The following MYL4 variants were observed in gnomAD, a reference collection of about 807,000 sequenced individuals.
The protein encoded by MYL4 is myosin light chain 4.
A neutral mutation model predicts 21.6 loss-of-function variants in MYL4; 16 were observed. The ratio of observed to expected loss-of-function variants is 0.74; its 90% confidence interval spans 0.50 to 1.12. MYL4 has a LOEUF of 1.12. MYL4 is among the 50% of genes most tolerant of loss of function. The probability of loss-of-function intolerance (pLI) is 0.00; values close to 1 mark genes in which losing one functional copy is unlikely to be tolerated. For missense variants in MYL4, 249 were observed against 252.9 expected (o/e 0.98, Z 0.11); for synonymous variants, 82 against 95.7 (o/e 0.86, Z 0.83).
upstream of MYL4, among the ~76,000 whole-genome samples, chr17:47,208,771 G>C (rs551820961): frequency 2.6e-5 from 4 of 152,268 alleles, no homozygotes; most frequent in African/African-American, 9.6e-5. Flanking sequence ...CTAGGGATCT[G>C]AGGTCTGTGG....
At chr17:47,218,371 C>G (rs2064830581) in intron 2 of MYL4, among the ~76,000 whole-genome samples, 1 of 152,104 alleles carries the variant, frequency 6.6e-6, no homozygotes, top group Admixed American at 6.5e-5. Flanking sequence ...TTCATGAATT[C>G]TTTTTTGGCT....
At chr17:47,214,231 T>G (rs2064797771) in intron 2 of MYL4, among the ~76,000 whole-genome samples, 1 of 152,152 alleles carries the variant, frequency 6.6e-6, no homozygotes. Context: ...CAAAAGTTAG[T>G]GCCTTTTTTT....
chr17:47,213,654 C>A, intron 1 of MYL4, 145 bp from the exon 2 acceptor site: 2 of 804,800 alleles, frequency 2.5e-6, no homozygotes, highest in Non-Finnish European at 2.2e-6. Context: ...TTACCCTTAG[C>A]ACAAGTCACC....
chr17:47,208,161 T>G (rs2064741734), upstream of MYL4, among the ~76,000 whole-genome samples: 1 of 152,192 alleles, frequency 6.6e-6, no homozygotes, highest in African/African-American at 2.4e-5. Context: ...ATGCCTATAA[T>G]CCCAGCCCTT....
At chr17:47,191,212 G>A in the MYL4 span, among the ~76,000 whole-genome samples, 2 of 152,218 alleles carry the variant, frequency 1.3e-5, no homozygotes, top group Non-Finnish European at 2.9e-5. Context: ...TTAATGGGAA[G>A]AGTGGCAAAG....
chr17:47,209,287 C>A, upstream of MYL4: 1 of 1,155,320 alleles, frequency 8.7e-7, no homozygotes, highest in Non-Finnish European at 1.3e-6. Context: ...TTGCTTTCAC[C>A]CAGCCCCTCT....
intron 3 of MYL4, among the ~76,000 whole-genome samples, 155 bp from the exon 4 acceptor site, chr17:47,221,527 G>A (rs1353804113): frequency 1.3e-5 from 2 of 152,154 alleles, no homozygotes; most frequent in Non-Finnish European, 2.9e-5. Context: ...GAAGCTCTGT[G>A]TCCTCTAGGA....
At chr17:47,222,182 G>A (rs976409639) in intron 4 of MYL4, among the ~76,000 whole-genome samples, 198 bp from the exon 5 acceptor site, 1 of 152,136 alleles carries the variant, frequency 6.6e-6, no homozygotes, top group Non-Finnish European at 1.5e-5. Context: ...GTAAGGCAGA[G>A]GGGGAGGCTT....
At chr17:47,221,907 G>A (rs2064859355) in intron 4 of MYL4, 52 bp downstream of exon 4, 1 of 1,580,772 alleles carries the variant, frequency 6.3e-7, no homozygotes, top group Admixed American at 1.7e-5. Flanking sequence ...GGAGGGGTGG[G>A]AGGTGCCAAG....
intron 2 of MYL4, among the ~76,000 whole-genome samples, chr17:47,218,364 A>T (rs1426391711): frequency 6.6e-6 from 1 of 152,222 alleles, no homozygotes; most frequent in Non-Finnish European, 1.5e-5. Context: ...TAAGTAGTTC[A>T]TGAATTCTTT....
chr17:47,211,860 G>GGGGAT lies in MYL4; in HGVS notation c.136-1925_136-1921dup, dbSNP rs762096467. On this transcript the variant is annotated intron_variant, in intron 1 of 6. Coordinates refer to ENST00000393450, the MANE Select transcript of MYL4 (RefSeq NM_002476.2). ...GGATTGGAACCACCACCAGTGGAGA[G>GGGGAT]GGGATGGGATGGGATGGGGTGGGGT... 6.4e-4 allele frequency among the ~76,000 whole-genome samples: 98 copies of GGGGAT among 152,238 alleles called. 1 individual carries two copies. The highest frequency in any genetic ancestry group is 2.9e-3 in the South Asian group (14 of 4,804).
Position 47,222,947 on chromosome 17 carries a change from G to A in MYL4, c.566-67G>A, listed in dbSNP as rs998001147. ...GTTAGAAGTCAGGCAGTGTAGAGAA[G>A]GGACAAGTGGTTTATGGGCCTAGAG... On this transcript the variant is annotated intron_variant, in intron 5 of 6. Transcript: ENST00000393450. 18 of 1,591,688 alleles carry A rather than the reference G, an allele frequency of 1.1e-5. No homozygotes were observed. In the South Asian group the frequency reaches 1.9e-4, roughly 17 times the overall value.
chr17:47,209,325 G>A (rs1413423785), upstream of MYL4: 1 of 1,541,350 alleles, frequency 6.5e-7, no homozygotes, highest in African/African-American at 1.4e-5. Context: ...GGATAAAAGG[G>A]AAGGGAGGCA....
chr17:47,220,827 G>A (rs2149048060), intron 3 of MYL4, among the ~76,000 whole-genome samples: 1 of 152,304 alleles, frequency 6.6e-6, no homozygotes, highest in East Asian at 1.9e-4. Flanking sequence ...TCTCCTCAGT[G>A]GTGTTGGCAC....
the MYL4 span, among the ~76,000 whole-genome samples, chr17:47,191,419 A>T: frequency 3.9e-5 from 6 of 152,232 alleles, no homozygotes; most frequent in Admixed American, 3.9e-4. Flanking sequence ...TTCAGAATGC[A>T]GTTGGACTAT....
chr17:47,194,844 G>C, the MYL4 span, among the ~76,000 whole-genome samples: 3 of 151,940 alleles, frequency 2.0e-5, no homozygotes, highest in African/African-American at 7.3e-5. Context: ...AGGCTCAAGT[G>C]ATCCTCTCAC....
downstream of MYL4, among the ~76,000 whole-genome samples, chr17:47,226,683 G>A (rs76201385): frequency 8.5e-5 from 13 of 152,360 alleles, no homozygotes; most frequent in East Asian, 2.5e-3. Context: ...TTACAATCCA[G>A]AGATTGGCAG....
At chr17:47,199,554 A>G (rs887097041), upstream of MYL4, among the ~76,000 whole-genome samples, 47 of 152,082 alleles carry the variant, frequency 3.1e-4, no homozygotes, top group Non-Finnish European at 5.9e-4. Context: ...TCTGGTGTAG[A>G]GGATGCAGAC....
At chr17:47,194,784 G>A in the MYL4 span, among the ~76,000 whole-genome samples, 124 of 151,664 alleles carry the variant, frequency 8.2e-4, 1 homozygote, top group Non-Finnish European at 1.6e-3. Flanking sequence ...TTTGAGACAG[G>A]GTCTCTGTGT....
Sources: allele counts gnomAD v4.1 joint callset (sites outside exome capture counted in the v4.1 genomes callset), GRCh38; gene constraint gnomAD v4.1.1; transcripts MANE v1.5; gene names NCBI Gene and HGNC (gene_info 2026-07-23, HGNC 2026-07-21).